FBXO38: variants seen among roughly 807,000 people sequenced by gnomAD.
FBXO38 encodes the protein F-box only protein 38.
In FBXO38, 53 loss-of-function variants were observed where a neutral mutation model predicts 131.9. The observed-to-expected ratio is 0.40, with a 90% CI of 0.32 to 0.51. FBXO38 has a LOEUF of 0.51. Among genes scored for constraint, FBXO38 ranks in the 20% least tolerant of loss-of-function variants. The probability of loss-of-function intolerance (pLI) is 0.53; values close to 1 mark genes in which losing one functional copy is unlikely to be tolerated. For synonymous variants in FBXO38, 452 were observed against 505.6 expected, an observed-to-expected ratio of 0.89 and a Z score of 1.42; for missense variants, 1,076 against 1,475.6, an observed-to-expected ratio of 0.73 and a Z score of 4.44.
intron 3 of FBXO38, 149 bp from the exon 4 acceptor site, chr5:148,401,833 T>G (rs927571678): frequency 4.1e-5 from 25 of 605,154 alleles, no homozygotes; most frequent in Non-Finnish European, 1.7e-5. Context: ...AGGAGTATAT[T>G]TTCTGTTATG....
chr5:148,409,401 T>C (rs574595935), intron 8 of FBXO38, among the ~76,000 whole-genome samples, 184 bp downstream of exon 8: 4 of 152,364 alleles, frequency 2.6e-5, no homozygotes, highest in South Asian at 4.1e-4. Context: ...CTTAATGTTA[T>C]AACTGGTAAC....
intron 17 of FBXO38, among the ~76,000 whole-genome samples, chr5:148,435,569 AG>A (rs1338277766): frequency 6.6e-6 from 1 of 152,214 alleles, no homozygotes; most frequent in African/African-American, 2.4e-5. Context: ...CAGGAGATCA[AG>A]ACCATCCTCG....
chr5:148,438,185 T>C, intron 17 of FBXO38, 147 bp from the exon 18 acceptor site: 1 of 627,298 alleles, frequency 1.6e-6, no homozygotes. Context: ...CATTTTCAAA[T>C]TTTTTTGTTA....
chr5:148,408,474 A>G (rs935698616), intron 7 of FBXO38, among the ~76,000 whole-genome samples: 7 of 152,252 alleles, frequency 4.6e-5, no homozygotes, highest in African/African-American at 1.4e-4. Context: ...AAAGATGCCT[A>G]TTGGCAATAG....
At position 148,427,395 on chromosome 5, in the gene FBXO38, T is replaced by C; in HGVS notation, c.2101T>C (p.Tyr701His). Residue 701 changes from tyrosine to histidine, a missense_variant, in exon 15 of 22, where the codon TAT (tyrosine) becomes CAT (histidine). This residue lies in a region of FBXO38 where 213 missense variants were observed against 225.2 expected (regional missense o/e 0.95). Coordinates refer to ENST00000340253, the MANE Select transcript of FBXO38 (RefSeq NM_205836.3). ...IPEKKKNKDV[Y>H]PSCSSTTAST... ...TGAAAAGAAAAAAAACAAGGATGTT[T>C]ATCCCAGCTGCAGCAGCACCACCGC... is the stretch of plus-strand genomic sequence containing the variant. 2 of 1,614,148 alleles carry C rather than the reference T, an allele frequency of 1.2e-6. No individual in the cohort carries two copies. The highest frequency in any genetic ancestry group is 1.7e-6 in the Non-Finnish European group (2 of 1,180,030).
At chr5:148,430,391 C>T (rs7700502) in intron 15 of FBXO38, 40,701 of 150,688 alleles carry the variant, frequency 0.27, 5,536 homozygotes, top group African/African-American at 0.3. Context: ...AGTGCAGTGG[C>T]GCGATCTCGG....
chr5:148,430,978 C>G (rs2113641062), intron 15 of FBXO38, among the ~76,000 whole-genome samples: 1 of 152,282 alleles, frequency 6.6e-6, no homozygotes, highest in South Asian at 2.1e-4. Flanking sequence ...CTGGATTGAT[C>G]TGCCTTTCTC....
chr5:148,426,950 A>G (rs1345618221), intron 14 of FBXO38, among the ~76,000 whole-genome samples: 2 of 152,176 alleles, frequency 1.3e-5, no homozygotes, highest in African/African-American at 2.4e-5. Context: ...TAGAATGTAT[A>G]TGGAGGGTAC....
Position 148,438,438 on chromosome 5 carries a change from C to A in FBXO38, c.2964C>A (p.Asp988Glu). ...CKKLNMDQVL[D>E]QILRMPPERN... Reference sequence around the variant, plus strand: ...AACTGAACATGGATCAGGTACTAGACCAGATACTAAGAATGCCACCCGAGA... The same window carrying A: ...AACTGAACATGGATCAGGTACTAGAACAGATACTAAGAATGCCACCCGAGA... The change falls in exon 18 of 22, where the codon GAC (aspartate) becomes GAA (glutamate). Residue 988 changes from aspartate (D) to glutamate (E), a missense_variant. Physicochemically the swap from Asp to Glu is conservative, Grantham distance 45. Transcript: ENST00000340253. The A allele has an allele frequency of 1.9e-6, 3 of 1,614,044 alleles. No homozygotes were observed. The highest frequency in any genetic ancestry group is 2.5e-6 in the Non-Finnish European group (3 of 1,179,922).
chr5:148,385,314 T>TTA (rs1386418705), intron 1 of FBXO38, among the ~76,000 whole-genome samples: 1 of 152,172 alleles, frequency 6.6e-6, no homozygotes, highest in Non-Finnish European at 1.5e-5. Context: ...GGTACACACT[T>TTA]TATATTTAGT....
rs140204686 is a variant in FBXO38, at chr5:148,427,252, A to G, written c.1958A>G (p.Asn653Ser). ...KGKTPLRKRY[N>S]SHQMGQSKQF... ...AAGACTCCACTTCGAAAGAGGTACAACTCCCATCAGATGGGCCAGTCGAAG... is the reference window on the plus strand; with the variant it reads ...AAGACTCCACTTCGAAAGAGGTACAGCTCCCATCAGATGGGCCAGTCGAAG... Residue 653 changes from asparagine (N) to serine (S), a missense_variant, in exon 15 of 22, where the codon AAC (asparagine) becomes AGC (serine). Around this residue, in one of 8 missense-constraint regions of FBXO38, gnomAD observed 212 missense variants for 221.2 expected, o/e 0.96. Transcript: ENST00000340253. The G allele has an allele frequency of 3.8e-5, 62 of 1,613,808 alleles. No homozygotes were observed. In the African/African-American group the frequency reaches 7.1e-4, roughly 18 times the overall value.
intron 2 of FBXO38, among the ~76,000 whole-genome samples, chr5:148,398,256 A>T (rs1316502744): frequency 2.0e-5 from 3 of 152,140 alleles, no homozygotes. Flanking sequence ...TAATCTAGGC[A>T]TGTGTGGAGG....
chr5:148,395,472 G>T (rs1758432080), intron 2 of FBXO38, among the ~76,000 whole-genome samples: 1 of 147,112 alleles, frequency 6.8e-6, no homozygotes, highest in African/African-American at 2.5e-5. Flanking sequence ...TATAACAACT[G>T]TTTTTTTTTT....
Position 148,404,736 on chromosome 5 carries a change from T to C in FBXO38, c.644T>C (p.Met215Thr), listed in dbSNP as rs1274615349. Residue 215 changes from methionine to threonine, a missense_variant, in exon 6 of 22, where the codon ATG becomes ACG. By Grantham distance (81) the Met-to-Thr change is moderately conservative. Around this residue, in one of 8 missense-constraint regions of FBXO38, gnomAD observed 66 missense variants for 72.4 expected, o/e 0.91. Transcript: ENST00000340253. ...ATCCCAATGCTAAGGCACCTTTATA[T>C]GAAGTGGGTAAGACTCACTAAACCA... ...PCIPMLRHLY[M>T]KWVRLTKPQP... 1 of 1,605,184 alleles carries C rather than the reference T, an allele frequency of 6.2e-7. No homozygotes were observed. The highest frequency in any genetic ancestry group is 1.7e-5 in the Admixed American group (1 of 58,090).
At chr5:148,427,990 G>T (rs1267828219) in intron 15 of FBXO38, 43 bp downstream of exon 15, 1 of 1,444,290 alleles carries the variant, frequency 6.9e-7, no homozygotes, top group Admixed American at 2.6e-5. Flanking sequence ...GGGTAGGGCT[G>T]CAGAAAGGCA....
rs79808213 is a variant in FBXO38, at chr5:148,391,508, A to G, written c.-63-3206A>G. On this transcript the variant is annotated intron_variant, in intron 1 of 21. Coordinates refer to ENST00000340253, the MANE Select transcript of FBXO38 (RefSeq NM_205836.3). ...TTTTCTAGGCAAAGTAGGGAAAAGA[A>G]GGACATTTCCAGTCAGAGTTAAAAG... 1.5e-3 allele frequency among the ~76,000 whole-genome samples: 235 copies of G among 152,328 alleles called. 2 individuals carry two copies. The East Asian group carries it at 0.041, about 26-fold the overall frequency.
intron 3 of FBXO38, among the ~76,000 whole-genome samples, chr5:148,400,224 A>G (rs1479391471): frequency 1.3e-5 from 2 of 152,140 alleles, no homozygotes; most frequent in Non-Finnish European, 2.9e-5. Context: ...TTCTAAGGGC[A>G]AAAGCCTCAT....
intron 9 of FBXO38, among the ~76,000 whole-genome samples, chr5:148,412,639 A>G (rs1411350155): frequency 2.0e-5 from 3 of 152,110 alleles, no homozygotes; most frequent in African/African-American, 7.2e-5. Flanking sequence ...CTAGCAATTT[A>G]GTCCTAGAGC....
intron 2 of FBXO38, among the ~76,000 whole-genome samples, chr5:148,396,306 A>C (rs1327251441): frequency 6.6e-6 from 1 of 152,182 alleles, no homozygotes; most frequent in Non-Finnish European, 1.5e-5. Context: ...TACATTCTAA[A>C]ATGTTTTGGA....
Sources: allele counts gnomAD v4.1 joint callset (sites outside exome capture counted in the v4.1 genomes callset), GRCh38; gene constraint gnomAD v4.1.1; regional missense constraint gnomAD v4.1.1; transcripts MANE v1.5; gene names NCBI Gene and HGNC (gene_info 2026-07-23, HGNC 2026-07-21).